Variants in ELMO1 observed in about 807,000 individuals in gnomAD.
ELMO1 encodes engulfment and cell motility protein 1.
A neutral mutation model predicts 98.9 loss-of-function variants in ELMO1; 26 were observed. The ratio of observed to expected loss-of-function variants is 0.26; its 90% CI spans 0.19 to 0.36. The LOEUF (loss-of-function observed/expected upper bound fraction) is 0.36. Ranked by LOEUF, ELMO1 falls within the 10% of genes least tolerant of loss-of-function variation. The pLI is 1.00. For missense variants in ELMO1, 627 were observed against 935.2 expected (o/e 0.67, Z 4.30); for synonymous variants, 346 against 346.0 (o/e 1.00, Z 0.00).
chr7:37,259,598 C>T (rs1249758620), intron 5 of ELMO1, among the ~76,000 whole-genome samples: 4 of 151,872 alleles, frequency 2.6e-5, no homozygotes, highest in African/African-American at 9.7e-5. Flanking sequence ...ATTTCCATTT[C>T]GAGGAAAAGC....
rs546357333 is a variant in ELMO1, at chr7:36,920,938, C to A, written c.1438-25921G>T. On this transcript the variant is annotated intron_variant, in intron 16 of 21. Coordinates refer to ENST00000310758, the MANE Select transcript of ELMO1 (RefSeq NM_014800.11). ...ATATGCTGAAATATAGTCCCCAGTG[C>A]AATAAAATATTAAGAGGTGGAGCCT... Among the ~76,000 whole-genome samples, 183 of 152,172 alleles carry A rather than the reference C, an allele frequency of 1.2e-3. 1 individual carries two copies. Among genetic ancestry groups the A allele is most frequent in the African/African-American group, 4.3e-3 (179 of 41,514 alleles).
chr7:37,077,112 AT>A (rs1797624672), intron 15 of ELMO1, among the ~76,000 whole-genome samples: 1 of 152,248 alleles, frequency 6.6e-6, no homozygotes, highest in Admixed American at 6.5e-5. Context: ...TACATGTTGG[AT>A]TAAAGGACAA....
intron 13 of ELMO1, among the ~76,000 whole-genome samples, chr7:37,135,648 T>G (rs765762097): frequency 6.6e-5 from 10 of 152,102 alleles, no homozygotes; most frequent in Non-Finnish European, 8.8e-5. Flanking sequence ...AGCTTGGCTC[T>G]TAGGAAGCCA....
chr7:37,092,842 C>T (rs537245850), intron 15 of ELMO1, among the ~76,000 whole-genome samples: 46 of 152,060 alleles, frequency 3.0e-4, no homozygotes, highest in African/African-American at 1.1e-3. Flanking sequence ...GCTGTGATTC[C>T]AAGATGGGTC....
intron 4 of ELMO1, among the ~76,000 whole-genome samples, chr7:37,295,773 T>C (rs1797996752): frequency 6.6e-6 from 1 of 152,328 alleles, no homozygotes; most frequent in East Asian, 1.9e-4. Flanking sequence ...TCAACATTAA[T>C]ATGTTTTTTG....
chr7:37,235,562 A>G (rs1794415241), intron 7 of ELMO1, among the ~76,000 whole-genome samples: 1 of 152,240 alleles, frequency 6.6e-6, no homozygotes, highest in Admixed American at 6.5e-5. Flanking sequence ...TGTACAAGGC[A>G]AAAAACCTGC....
chr7:36,925,648 G>A (rs768513355), intron 16 of ELMO1, among the ~76,000 whole-genome samples: 10 of 152,156 alleles, frequency 6.6e-5, no homozygotes, highest in African/African-American at 1.2e-4. Flanking sequence ...ACTTTGCCCC[G>A]ACCCCTCCAA....
intron 11 of ELMO1, 102 bp from the exon 12 acceptor site, chr7:37,213,559 T>A: frequency 8.9e-7 from 1 of 1,129,372 alleles, no homozygotes; most frequent in Non-Finnish European, 1.2e-6. Context: ...CTGGGAGGTA[T>A]AAGGAATGGA....
chr7:36,965,937 T>C (rs1265651950), intron 16 of ELMO1, among the ~76,000 whole-genome samples: 1 of 152,210 alleles, frequency 6.6e-6, no homozygotes, highest in Non-Finnish European at 1.5e-5. Context: ...ATCCTGCCTG[T>C]GTTCATATTT....
At chr7:37,219,414 T>C (rs1409999643) in intron 10 of ELMO1, among the ~76,000 whole-genome samples, 1 of 152,102 alleles carries the variant, frequency 6.6e-6, no homozygotes, top group Non-Finnish European at 1.5e-5. Flanking sequence ...AGATGAAATT[T>C]TAAAAAAGTA....
chr7:36,940,075 A>C (rs1562841482), intron 16 of ELMO1, among the ~76,000 whole-genome samples: 1 of 152,246 alleles, frequency 6.6e-6, no homozygotes, highest in Non-Finnish European at 1.5e-5. Context: ...CTGGAGTGGC[A>C]TATGTTGTTG....
chr7:37,097,062 G>C (rs1784398474), intron 14 of ELMO1, among the ~76,000 whole-genome samples: 1 of 152,160 alleles, frequency 6.6e-6, no homozygotes, highest in Non-Finnish European at 1.5e-5. Context: ...TCCCATTTCT[G>C]TCCTCTTTTC....
intron 15 of ELMO1, among the ~76,000 whole-genome samples, chr7:37,086,120 T>C (rs1033543590): frequency 2.0e-5 from 3 of 152,178 alleles, no homozygotes; most frequent in Admixed American, 1.3e-4. Flanking sequence ...AGATGGAGCC[T>C]CACTCTGTGG....
At chr7:37,145,165 C>T (rs1787901478) in intron 13 of ELMO1, among the ~76,000 whole-genome samples, 1 of 152,162 alleles carries the variant, frequency 6.6e-6, no homozygotes, top group Admixed American at 6.5e-5. Context: ...AAAGAATCTG[C>T]ATCTCTAATA....
intron 14 of ELMO1, among the ~76,000 whole-genome samples, chr7:37,130,954 T>A (rs1490382271): frequency 6.6e-6 from 1 of 152,076 alleles, no homozygotes; most frequent in East Asian, 1.9e-4. Flanking sequence ...AAAATGCAAA[T>A]TGAAAAGATT....
intron 2 of ELMO1, among the ~76,000 whole-genome samples, chr7:37,329,816 ATT>A (rs1480981278): frequency 6.6e-6 from 1 of 152,176 alleles, no homozygotes; most frequent in Non-Finnish European, 1.5e-5. Flanking sequence ...TTTCTGTCAA[ATT>A]AGTCTTCCCA....
At chr7:37,082,298 AT>A (rs113283586) in intron 15 of ELMO1, among the ~76,000 whole-genome samples, 6,641 of 148,732 alleles carry the variant, frequency 0.045, 240 homozygotes, top group African/African-American at 0.096. Flanking sequence ...AAACAGAGGG[AT>A]TTTTTTTTTT....
At chr7:37,104,614 G>A (rs1469743402) in intron 14 of ELMO1, among the ~76,000 whole-genome samples, 2 of 152,228 alleles carry the variant, frequency 1.3e-5, no homozygotes, top group Non-Finnish European at 2.9e-5. Flanking sequence ...GAGAGAGGCG[G>A]CCATCCATGG....
At chr7:37,250,832 T>A (rs1216546009) in intron 6 of ELMO1, among the ~76,000 whole-genome samples, 1 of 150,564 alleles carries the variant, frequency 6.6e-6, no homozygotes, top group Non-Finnish European at 1.5e-5. Flanking sequence ...TCCAAGTTCA[T>A]CATAAATACA....
Sources: allele counts gnomAD v4.1 joint callset (sites outside exome capture counted in the v4.1 genomes callset), GRCh38; gene constraint gnomAD v4.1.1; transcripts MANE v1.5; gene names NCBI Gene and HGNC (gene_info 2026-07-23, HGNC 2026-07-21).